The following RALYL variants were observed in gnomAD, a reference collection of about 807,000 sequenced individuals.
RALYL encodes the protein RALY RNA binding protein like.
A neutral mutation model predicts 35.1 loss-of-function variants in RALYL; 29 were observed. That is an observed-to-expected ratio of 0.83 (90% confidence interval 0.61 to 1.13). The LOEUF (loss-of-function observed/expected upper bound fraction) is 1.13, where lower values mean the gene tolerates loss of function less well. RALYL is among the 50% of genes most tolerant of loss of function. The pLI is 0.00. For missense variants in RALYL, 359 were observed against 360.4 expected, an observed-to-expected ratio of 1.00 and a Z score of 0.03; for synonymous variants, 120 against 127.6, an observed-to-expected ratio of 0.94 and a Z score of 0.40.
chr8:84,227,052 A>ATTTT (rs1554580116), intron 1 of RALYL, among the ~76,000 whole-genome samples: 15 of 56,822 alleles, frequency 2.6e-4, no homozygotes, highest in East Asian at 1.1e-3. Flanking sequence ...AAAAAATTGT[A>ATTTT]TTTCTTTTTT....
chr8:84,216,248 A>C (rs1283117327), intron 1 of RALYL, among the ~76,000 whole-genome samples: 1 of 151,824 alleles, frequency 6.6e-6, no homozygotes, highest in Non-Finnish European at 1.5e-5. Context: ...GCAAAATTAT[A>C]CACTAAAATT....
intron 2 of RALYL, among the ~76,000 whole-genome samples, chr8:84,535,438 C>CTTTTT (rs35056318): frequency 7.4e-6 from 1 of 134,614 alleles, no homozygotes; most frequent in Non-Finnish European, 1.6e-5. Flanking sequence ...GCATCCCTGC[C>CTTTTT]TTTTTTTTTT....
At chr8:84,251,970 AT>A (rs1215582681) in intron 1 of RALYL, among the ~76,000 whole-genome samples, 1 of 151,706 alleles carries the variant, frequency 6.6e-6, no homozygotes, top group African/African-American at 2.4e-5. Context: ...TTGAACCTAT[AT>A]TTCTCTATTA....
At position 84,850,891 on chromosome 8, in the gene RALYL, G is replaced by A. The variant is rs75296003; in HGVS notation, c.413+864G>A. On this transcript the variant is annotated intron_variant, in intron 5 of 8. Transcript: ENST00000521268. ...GCCAGGGTCACTTCCCCTCCATAGC[G>A]TTATACGTTTCATCACATCACATCC... is the stretch of plus-strand genomic sequence containing the variant. Among the ~76,000 whole-genome samples, 342 of 152,226 alleles carry A rather than the reference G, an allele frequency of 2.2e-3. 1 individual carries two copies. The highest frequency in any genetic ancestry group is 6.8e-3 in the Middle Eastern group (2 of 294).
intron 2 of RALYL, among the ~76,000 whole-genome samples, chr8:84,681,684 G>C (rs993948476): frequency 6.6e-6 from 1 of 152,172 alleles, no homozygotes; most frequent in African/African-American, 2.4e-5. Flanking sequence ...TTTGCACATT[G>C]ATTTTGTATC....
At chr8:84,677,807 T>C (rs1271614333) in intron 2 of RALYL, among the ~76,000 whole-genome samples, 1 of 152,248 alleles carries the variant, frequency 6.6e-6, no homozygotes. Flanking sequence ...ACATTTTCAA[T>C]GTACCTTCAA....
intron 2 of RALYL, among the ~76,000 whole-genome samples, chr8:84,708,821 C>T (rs913955810): frequency 4.6e-5 from 7 of 152,044 alleles, no homozygotes; most frequent in African/African-American, 1.7e-4. Flanking sequence ...CATGAAGGTA[C>T]ATTTTTAAAA....
chr8:84,830,738 C>G (rs1467018379), intron 4 of RALYL, among the ~76,000 whole-genome samples: 1 of 151,872 alleles, frequency 6.6e-6, no homozygotes, highest in East Asian at 1.9e-4. Context: ...GTAAACAGAG[C>G]AATATTTTGA....
At chr8:84,867,457 A>G (rs1839379511) in intron 6 of RALYL, among the ~76,000 whole-genome samples, 1 of 152,184 alleles carries the variant, frequency 6.6e-6, no homozygotes, top group South Asian at 2.1e-4. Flanking sequence ...ACTTTTTGTC[A>G]TACATTTTAT....
At chr8:84,594,639 A>C (rs1012682534) in intron 2 of RALYL, among the ~76,000 whole-genome samples, 3 of 152,034 alleles carry the variant, frequency 2.0e-5, no homozygotes, top group Non-Finnish European at 4.4e-5. Flanking sequence ...ATAAATTATT[A>C]ATCAATCTGC....
chr8:84,693,296 G>A (rs1163357095), intron 2 of RALYL, among the ~76,000 whole-genome samples: 2 of 151,806 alleles, frequency 1.3e-5, no homozygotes, highest in Non-Finnish European at 2.9e-5. Context: ...AGCTGGGGAG[G>A]CCTCACAAAA....
chr8:84,564,139 C>T (rs945056612), intron 2 of RALYL, among the ~76,000 whole-genome samples: 1 of 151,668 alleles, frequency 6.6e-6, no homozygotes, highest in African/African-American at 2.4e-5. Flanking sequence ...ACTTCAATAT[C>T]ATTATACTTA....
At chr8:84,519,679 CCTT>C (rs1247041510) in intron 1 of RALYL, among the ~76,000 whole-genome samples, 3 of 152,130 alleles carry the variant, frequency 2.0e-5, no homozygotes, top group African/African-American at 7.2e-5. Flanking sequence ...GGCTTCTAGA[CCTT>C]CTTTTAAAAT....
intron 1 of RALYL, among the ~76,000 whole-genome samples, chr8:84,279,047 A>G (rs374042015): frequency 1.3e-5 from 2 of 152,222 alleles, no homozygotes; most frequent in African/African-American, 4.8e-5. Flanking sequence ...AAGAGGTTTA[A>G]TGGACTCACA....
At chr8:84,210,359 T>C (rs868082860) in intron 1 of RALYL, among the ~76,000 whole-genome samples, 27 of 150,930 alleles carry the variant, frequency 1.8e-4, no homozygotes, top group Middle Eastern at 3.4e-3. Context: ...TAATACATTA[T>C]AGATTTCTCA....
chr8:84,540,128 C>A (rs1323465964), intron 2 of RALYL, among the ~76,000 whole-genome samples: 2 of 151,436 alleles, frequency 1.3e-5, no homozygotes, highest in Non-Finnish European at 3.0e-5. Context: ...ATTTTTAAAC[C>A]AGTGTATGTG....
At chr8:84,426,504 T>A (rs1418788061) in intron 1 of RALYL, among the ~76,000 whole-genome samples, 1 of 147,904 alleles carries the variant, frequency 6.8e-6, no homozygotes, top group African/African-American at 2.5e-5. Flanking sequence ...AGTGAGATCA[T>A]GCAATACTTT....
chr8:84,223,123 C>G (rs1221162478), intron 1 of RALYL, among the ~76,000 whole-genome samples: 1 of 142,970 alleles, frequency 7.0e-6, no homozygotes, highest in Admixed American at 7.3e-5. Context: ...CTTTCCTTTC[C>G]TTTCCTTTCC....
intron 2 of RALYL, among the ~76,000 whole-genome samples, chr8:84,710,873 T>C (rs1397822431): frequency 1.3e-5 from 2 of 152,140 alleles, no homozygotes; most frequent in East Asian, 1.9e-4. Flanking sequence ...CAAAACAACA[T>C]TTTATTGAAG....
Sources: allele counts gnomAD v4.1 joint callset (sites outside exome capture counted in the v4.1 genomes callset), GRCh38; gene constraint gnomAD v4.1.1; transcripts MANE v1.5; gene names NCBI Gene and HGNC (gene_info 2026-07-23, HGNC 2026-07-21).